OPCML: variants seen among roughly 807,000 people sequenced by gnomAD.
The protein encoded by OPCML is opioid binding protein/cell adhesion molecule like.
A neutral mutation model predicts 37.8 loss-of-function variants in OPCML; 13 were observed. The ratio of observed to expected loss-of-function variants is 0.34; its 90% CI spans 0.22 to 0.55. The LOEUF (loss-of-function observed/expected upper bound fraction) is 0.55. OPCML is among the 20% of genes least tolerant of loss of function. The pLI, the probability that OPCML is intolerant of heterozygous loss-of-function variation, is 0.91. For missense variants in OPCML, 341 were observed against 435.6 expected (o/e 0.78, Z 1.93); for synonymous variants, 176 against 168.8 (o/e 1.04, Z -0.33).
At chr11:132,966,796 T>G (rs1024729553) in intron 1 of OPCML, among the ~76,000 whole-genome samples, 1 of 152,142 alleles carries the variant, frequency 6.6e-6, no homozygotes, top group African/African-American at 2.4e-5. Flanking sequence ...TTTATCATAG[T>G]AAAATGTCCT....
intron 2 of OPCML, among the ~76,000 whole-genome samples, chr11:132,887,228 G>C (rs77193316): frequency 0.016 from 2,449 of 152,312 alleles, 57 homozygotes; most frequent in African/African-American, 0.056. Flanking sequence ...ACTCAGTACA[G>C]TAACACTAGC....
chr11:132,428,712 G>T (rs2095986157), intron 7 of OPCML, among the ~76,000 whole-genome samples: 1 of 152,164 alleles, frequency 6.6e-6, no homozygotes, highest in African/African-American at 2.4e-5. Flanking sequence ...TCCATCCATG[G>T]TGGAATCCCT....
chr11:132,467,370 A>G (rs1285313883), intron 4 of OPCML, among the ~76,000 whole-genome samples: 1 of 152,372 alleles, frequency 6.6e-6, no homozygotes, highest in Admixed American at 6.5e-5. Flanking sequence ...AATTTGGGTC[A>G]GGTAGTTCTG....
intron 2 of OPCML, among the ~76,000 whole-genome samples, chr11:132,863,976 C>T (rs1009823942): frequency 1.4e-4 from 21 of 152,044 alleles, no homozygotes; most frequent in Non-Finnish European, 2.5e-4. Context: ...TTCATGCTGT[C>T]GCCCAGGCTG....
intron 2 of OPCML, among the ~76,000 whole-genome samples, chr11:132,894,777 G>A (rs1283895802): frequency 6.6e-6 from 1 of 152,120 alleles, no homozygotes; most frequent in Admixed American, 6.5e-5. Flanking sequence ...CAGAACTCCA[G>A]GCTCGCTGGC....
At chr11:132,636,153 T>C (rs1940482905) in intron 3 of OPCML, among the ~76,000 whole-genome samples, 1 of 152,194 alleles carries the variant, frequency 6.6e-6, no homozygotes, top group Non-Finnish European at 1.5e-5. Context: ...TTTTATTATT[T>C]TTTTAATAAA....
intron 1 of OPCML, among the ~76,000 whole-genome samples, chr11:132,971,110 T>G (rs1278637113): frequency 6.6e-6 from 1 of 152,178 alleles, no homozygotes; most frequent in Non-Finnish European, 1.5e-5. Flanking sequence ...GCCTTTTTTC[T>G]AGCTGTTGAG....
chr11:132,500,706 C>T (rs1186142514), intron 4 of OPCML, among the ~76,000 whole-genome samples: 1 of 152,040 alleles, frequency 6.6e-6, no homozygotes, highest in East Asian at 1.9e-4. Flanking sequence ...TCTCTCCTTG[C>T]CCCCCACCCC....
At chr11:132,614,587 G>A (rs1289208800) in intron 3 of OPCML, among the ~76,000 whole-genome samples, 1 of 152,120 alleles carries the variant, frequency 6.6e-6, no homozygotes, top group Non-Finnish European at 1.5e-5. Flanking sequence ...TGTAGGACAA[G>A]GTCTACCCGA....
intron 1 of OPCML, among the ~76,000 whole-genome samples, chr11:133,397,275 A>G (rs140391317): frequency 6.6e-6 from 1 of 152,340 alleles, no homozygotes; most frequent in African/African-American, 2.4e-5. Context: ...ACCTAGGGAT[A>G]TAGAGTCACT....
intron 1 of OPCML, among the ~76,000 whole-genome samples, chr11:133,515,387 G>A (rs1018602121): frequency 2.0e-5 from 3 of 152,212 alleles, no homozygotes; most frequent in Non-Finnish European, 4.4e-5. Flanking sequence ...CTCAAAAGGT[G>A]CCACTGGCAT....
At chr11:133,289,457 T>C (rs1043322531) in intron 1 of OPCML, among the ~76,000 whole-genome samples, 1 of 150,464 alleles carries the variant, frequency 6.6e-6, no homozygotes, top group Non-Finnish European at 1.5e-5. Context: ...TAGCCGGGCG[T>C]AGTGGCGGGC....
At chr11:133,422,118 GC>G (rs1199079910) in intron 1 of OPCML, 2 of 716,590 alleles carry the variant, frequency 2.8e-6, no homozygotes, top group African/African-American at 2.0e-5. Context: ...CCCTCCCCTA[GC>G]CCCCCACCCC....
intron 1 of OPCML, among the ~76,000 whole-genome samples, chr11:133,163,982 C>A (rs1950177430): frequency 6.6e-6 from 1 of 152,224 alleles, no homozygotes; most frequent in African/African-American, 2.4e-5. Flanking sequence ...CCCTCCCCCT[C>A]TACCAATAAG....
chr11:132,465,366 G>A (rs913262765), intron 4 of OPCML, among the ~76,000 whole-genome samples: 2 of 152,074 alleles, frequency 1.3e-5, no homozygotes, highest in Admixed American at 6.5e-5. Flanking sequence ...AAAGCCACAT[G>A]TTATTTATCT....
intron 2 of OPCML, among the ~76,000 whole-genome samples, chr11:132,777,338 G>T (rs563744579): frequency 6.6e-6 from 1 of 152,302 alleles, no homozygotes; most frequent in South Asian, 2.1e-4. Context: ...GTTAGAGCAC[G>T]CACAAAGGAA....
chr11:133,399,447 C>T (rs1565613798), intron 1 of OPCML, among the ~76,000 whole-genome samples: 1 of 152,174 alleles, frequency 6.6e-6, no homozygotes, highest in Non-Finnish European at 1.5e-5. Flanking sequence ...CTACAGCAAG[C>T]TCTTGATGAA....
chr11:133,291,137 GAC>G lies in OPCML; in HGVS notation c.61+241125_61+241126del, dbSNP rs1942461688. Reference sequence around the variant, plus strand: ...CTCAATGCCCAAGGCTGTGTCATAAGACAAAAACCTGGGTTCTAATTCTGGCC... The same window carrying G: ...CTCAATGCCCAAGGCTGTGTCATAAGAAAAACCTGGGTTCTAATTCTGGCC... On this transcript the variant is annotated intron_variant, in intron 1 of 7. Transcript: ENST00000524381. 2.0e-5 allele frequency among the ~76,000 whole-genome samples: 3 copies of G among 152,324 alleles called. No homozygotes were observed. In the South Asian group the frequency reaches 6.2e-4, roughly 32 times the overall value.
chr11:133,382,738 C>T (rs1944958045), intron 1 of OPCML, among the ~76,000 whole-genome samples: 1 of 152,120 alleles, frequency 6.6e-6, no homozygotes, highest in Non-Finnish European at 1.5e-5. Context: ...CTTTTCCTCC[C>T]ATCTATCTCC....
Sources: allele counts gnomAD v4.1 joint callset (sites outside exome capture counted in the v4.1 genomes callset), GRCh38; gene constraint gnomAD v4.1.1; transcripts MANE v1.5; gene names NCBI Gene and HGNC (gene_info 2026-07-23, HGNC 2026-07-21).